NCALD: variants seen among roughly 807,000 people sequenced by gnomAD.
NCALD encodes neurocalcin-delta.
A neutral mutation model predicts 18.6 loss-of-function variants in NCALD; 10 were observed. The observed-to-expected ratio is 0.54, with a 90% CI of 0.33 to 0.91. NCALD has a LOEUF of 0.91. Among genes scored for constraint, NCALD ranks in the 40% least tolerant of loss-of-function variants. NCALD has a pLI of 0.03. For synonymous variants in NCALD, 88 were observed against 87.4 expected, an observed-to-expected ratio of 1.01 and a Z score of -0.04; for missense variants, 184 against 247.6, an observed-to-expected ratio of 0.74 and a Z score of 1.72.
chr8:102,054,214 T>C (rs1823551873), intron 1 of NCALD, among the ~76,000 whole-genome samples: 1 of 152,166 alleles, frequency 6.6e-6, no homozygotes, highest in Non-Finnish European at 1.5e-5. Context: ...ACAAAATGAA[T>C]AGTGTCCCTT....
chr8:101,893,889 A>G (rs1280441920), intron 3 of NCALD, among the ~76,000 whole-genome samples: 4 of 146,360 alleles, frequency 2.7e-5, no homozygotes, highest in Non-Finnish European at 5.9e-5. Flanking sequence ...CTACAAAGAG[A>G]CGTAGACTCC....
At chr8:101,909,876 G>A (rs1817731657) in intron 3 of NCALD, among the ~76,000 whole-genome samples, 1 of 152,108 alleles carries the variant, frequency 6.6e-6, no homozygotes, top group Admixed American at 6.5e-5. Context: ...CCTAGACAGG[G>A]TAGACCCATA....
chr8:101,774,737 T>C (rs762486227), intron 1 of NCALD, among the ~76,000 whole-genome samples: 1 of 152,216 alleles, frequency 6.6e-6, no homozygotes, highest in Non-Finnish European at 1.5e-5. Flanking sequence ...TCCCACTAGC[T>C]GGGCTCTCCG....
At chr8:101,900,940 C>G (rs1264672158) in intron 3 of NCALD, among the ~76,000 whole-genome samples, 1 of 151,912 alleles carries the variant, frequency 6.6e-6, no homozygotes, top group Non-Finnish European at 1.5e-5. Context: ...AGGTTTTTAA[C>G]TCTTATTATG....
intron 2 of NCALD, among the ~76,000 whole-genome samples, chr8:101,968,896 T>C (rs867699308): frequency 1.3e-5 from 2 of 152,154 alleles, no homozygotes; most frequent in Non-Finnish European, 2.9e-5. Context: ...TGAAGCCCCA[T>C]TGCCTAGTGA....
At chr8:101,842,630 C>T (rs183995922) in intron 4 of NCALD, among the ~76,000 whole-genome samples, 116 of 152,336 alleles carry the variant, frequency 7.6e-4, no homozygotes, top group Non-Finnish European at 4.9e-4. Flanking sequence ...GGGAAGGGGG[C>T]TGTGCCAGTG....
intron 2 of NCALD, among the ~76,000 whole-genome samples, chr8:101,960,195 C>A (rs1819786174): frequency 6.6e-6 from 1 of 152,106 alleles, no homozygotes; most frequent in Non-Finnish European, 1.5e-5. Flanking sequence ...TGCACCAGAG[C>A]CCACCATACC....
intron 2 of NCALD, among the ~76,000 whole-genome samples, chr8:101,921,969 A>C (rs1431317045): frequency 6.6e-6 from 1 of 150,766 alleles, no homozygotes; most frequent in Non-Finnish European, 1.5e-5. Flanking sequence ...TTTTTGAGAC[A>C]GTCTCCCTCT....
chr8:101,700,265 T>C (rs1282110202), intron 2 of NCALD, among the ~76,000 whole-genome samples: 1 of 152,086 alleles, frequency 6.6e-6, no homozygotes, highest in Non-Finnish European at 1.5e-5. Flanking sequence ...GGTTTCTCTA[T>C]GTTGCCCAAG....
intron 2 of NCALD, among the ~76,000 whole-genome samples, chr8:101,934,300 G>A (rs574255570): frequency 1.3e-5 from 2 of 152,296 alleles, no homozygotes; most frequent in South Asian, 2.1e-4. Context: ...TTCCTGGAGG[G>A]AGTAATAGCT....
chr8:102,063,692 A>G lies in NCALD; in HGVS notation c.-209-43403T>C, dbSNP rs182520295. ...GCCTGTCTCAAAGGAAATAGACCAG[A>G]AAGATTAGGAAGAGGGAGGCCTGAG... On this transcript the variant is annotated intron_variant, in intron 1 of 6. Coordinates refer to the NCALD transcript ENST00000311028. Among the ~76,000 whole-genome samples the G allele has an allele frequency of 2.6e-5, 4 of 152,284 alleles. No individual in the cohort carries two copies. The East Asian group carries it at 7.7e-4, about 29-fold the overall frequency.
At chr8:102,088,859 G>A (rs1824828832) in intron 1 of NCALD, among the ~76,000 whole-genome samples, 1 of 152,174 alleles carries the variant, frequency 6.6e-6, no homozygotes, top group Admixed American at 6.5e-5. Context: ...TTTTGACTTT[G>A]GGGAGCATCA....
At chr8:102,053,031 A>G (rs992673189) in intron 1 of NCALD, among the ~76,000 whole-genome samples, 3 of 152,246 alleles carry the variant, frequency 2.0e-5, no homozygotes, top group Non-Finnish European at 4.4e-5. Context: ...AAGAAATCTC[A>G]AAACATTTCA....
At chr8:101,822,739 G>A (rs1422570856) in intron 4 of NCALD, among the ~76,000 whole-genome samples, 2 of 152,190 alleles carry the variant, frequency 1.3e-5, no homozygotes, top group African/African-American at 2.4e-5. Flanking sequence ...GGTTCCAAAA[G>A]ATGCAACTCC....
At chr8:101,731,748 C>G (rs999287683) in intron 1 of NCALD, among the ~76,000 whole-genome samples, 1 of 152,172 alleles carries the variant, frequency 6.6e-6, no homozygotes, top group Admixed American at 6.5e-5. Flanking sequence ...CCTTTCCCAG[C>G]TACTCCAAGT....
intron 1 of NCALD, among the ~76,000 whole-genome samples, chr8:102,084,921 G>A (rs1397791603): frequency 3.3e-5 from 5 of 152,206 alleles, no homozygotes; most frequent in South Asian, 2.1e-4. Flanking sequence ...GGTTGGTGGG[G>A]TGGGAAGAAT....
At chr8:102,021,633 T>C (rs1044444297) in intron 1 of NCALD, among the ~76,000 whole-genome samples, 6 of 152,190 alleles carry the variant, frequency 3.9e-5, no homozygotes, top group Non-Finnish European at 8.8e-5. Flanking sequence ...TGGCACCAGG[T>C]GCCTCCACCA....
chr8:101,794,514 C>G (rs1812565002), upstream of NCALD, among the ~76,000 whole-genome samples: 1 of 152,202 alleles, frequency 6.6e-6, no homozygotes, highest in African/African-American at 2.4e-5. Flanking sequence ...CTTAACCCTA[C>G]TCATACATAA....
intron 3 of NCALD, among the ~76,000 whole-genome samples, chr8:101,907,630 T>G (rs1010275330): frequency 2.3e-4 from 35 of 152,064 alleles, no homozygotes; most frequent in Non-Finnish European, 4.4e-5. Context: ...ATCCCTCATT[T>G]CATTTAATTA....
Sources: gnomAD v4.1 joint callset for allele counts (sites outside exome capture counted in the v4.1 genomes callset) on GRCh38, gnomAD v4.1.1 for gene constraint, MANE v1.5 for transcripts, NCBI Gene and HGNC (gene_info 2026-07-23, HGNC 2026-07-21) for gene names.